WDR25: variants seen among roughly 807,000 people sequenced by gnomAD.
WDR25 encodes WD repeat-containing protein 25.
Under a neutral mutation model 47.7 loss-of-function variants are expected in WDR25, and 35 were observed. That is an observed-to-expected ratio of 0.73 (90% CI 0.56 to 0.97). The LOEUF is 0.97. Ranked by LOEUF, WDR25 falls within the 50% of genes least tolerant of loss-of-function variation. The pLI, the probability that WDR25 is intolerant of heterozygous loss-of-function variation, is 0.00. For missense variants in WDR25, 634 were observed against 704.7 expected (o/e 0.90, Z 1.14); for synonymous variants, 248 against 278.9 (o/e 0.89, Z 1.10).
chr14:100,432,862 G>A lies in WDR25; in HGVS notation c.823-35159G>A, dbSNP rs7153733. 4.9e-3 allele frequency among the ~76,000 whole-genome samples: 749 copies of A among 152,332 alleles called. 10 individuals are homozygous for A. Among genetic ancestry groups the A allele is most frequent in the African/African-American group, 0.017 (704 of 41,566 alleles). Reference sequence around the variant, plus strand: ...TAGTGTACCTACATGAACCTAGATGGTACAGCCTACTACACACCCAGGCTA... The same window carrying A: ...TAGTGTACCTACATGAACCTAGATGATACAGCCTACTACACACCCAGGCTA... On this transcript the variant is annotated intron_variant, in intron 2 of 6. Coordinates refer to ENST00000402312, the MANE Select transcript of WDR25 (RefSeq NM_001161476.3).
rs1056934387 is a variant in WDR25 at position 100,502,091 on chromosome 14, G to T, written c.1101+17967G>T. Among the ~76,000 whole-genome samples, 7 of 152,216 alleles carry T rather than the reference G, an allele frequency of 4.6e-5. No individual in the cohort carries two copies. Among genetic ancestry groups the T allele is most frequent in the African/African-American group, 1.2e-4 (5 of 41,450 alleles). On this transcript the variant is annotated intron_variant, in intron 4 of 6. Coordinates refer to ENST00000402312, the MANE Select transcript of WDR25 (RefSeq NM_001161476.3). This position sits in a 1 kb window ranked among gnomAD's most constrained non-coding sequence, Gnocchi z 4.5. ...ACAGCTCTTTGGGCTGTTTGATGGG[G>T]CTCACACCTAGGAAGGCTGTCCTTG...
In WDR25 at chr14:100,470,285, T is replaced by A. The variant is rs1183397333; in HGVS notation, c.970+2117T>A. On this transcript the variant is annotated intron_variant, in intron 3 of 6. Transcript: ENST00000402312. ...GGGTGCAGGGGCTGGGGCAGATGAG[T>A]CTGAGGAGTGCAGGAGGGGAAACCC... Among the ~76,000 whole-genome samples, 5 of 151,800 alleles carry A rather than the reference T, an allele frequency of 3.3e-5. No individual in the cohort carries two copies. In the South Asian group the frequency reaches 8.3e-4, roughly 25 times the overall value.
intron 2 of WDR25, among the ~76,000 whole-genome samples, chr14:100,405,636 C>T (rs1003294006): frequency 2.6e-5 from 4 of 152,202 alleles, no homozygotes; most frequent in Non-Finnish European, 4.4e-5. Context: ...TGGAGGCCAG[C>T]ACTAACAGAA....
chr14:100,505,397 A>C lies in WDR25; in HGVS notation c.1102-20473A>C, dbSNP rs1901076953. Among the ~76,000 whole-genome samples, 3 of 152,212 alleles carry C rather than the reference A, an allele frequency of 2.0e-5. No homozygotes were observed. The South Asian group carries it at 6.2e-4, about 31-fold the overall frequency. ...AGCCTTGGTGGAAAATCAATTTGCC[A>C]CATGAGGTTCTCTTTCTGGCTTGTC... On this transcript the variant is annotated intron_variant, in intron 4 of 6. Coordinates refer to ENST00000402312, the MANE Select transcript of WDR25 (RefSeq NM_001161476.3).
chr14:100,437,784 C>A (rs938779134), intron 2 of WDR25, among the ~76,000 whole-genome samples: 3 of 152,118 alleles, frequency 2.0e-5, no homozygotes, highest in Admixed American at 6.6e-5. Context: ...GTGTTATACG[C>A]CCCCTTAGTG....
intron 2 of WDR25, among the ~76,000 whole-genome samples, chr14:100,432,947 ACTGTAGGC>A (rs1459880811): frequency 6.6e-6 from 1 of 152,210 alleles, no homozygotes; most frequent in Non-Finnish European, 1.5e-5. Flanking sequence ...TGTGCTGAAT[ACTGTAGGC>A]AATTGGAACA....
At chr14:100,472,383 C>T (rs988974747) in intron 3 of WDR25, among the ~76,000 whole-genome samples, 9 of 152,256 alleles carry the variant, frequency 5.9e-5, no homozygotes, top group African/African-American at 2.2e-4. Flanking sequence ...GGCTCTTCTG[C>T]CTCCCCGAAC....
chr14:100,417,824 C>T (rs1282436755), intron 2 of WDR25, among the ~76,000 whole-genome samples: 4 of 152,194 alleles, frequency 2.6e-5, no homozygotes, highest in Non-Finnish European at 2.9e-5. Flanking sequence ...AGCCTTCCAT[C>T]GTTTCTGTTG....
chr14:100,393,608 G>C (rs748580754), intron 2 of WDR25, among the ~76,000 whole-genome samples: 7 of 152,158 alleles, frequency 4.6e-5, no homozygotes, highest in Non-Finnish European at 7.4e-5. Flanking sequence ...GTGTGTCTGT[G>C]GGGGGAAGAG....
intron 2 of WDR25, among the ~76,000 whole-genome samples, chr14:100,456,905 G>C (rs1269787884): frequency 6.6e-6 from 1 of 152,148 alleles, no homozygotes; most frequent in Non-Finnish European, 1.5e-5. Flanking sequence ...CCTGGCACAG[G>C]AAACATGAAG....
At chr14:100,408,988 T>C (rs1362112183) in intron 2 of WDR25, among the ~76,000 whole-genome samples, 1 of 152,234 alleles carries the variant, frequency 6.6e-6, no homozygotes, top group African/African-American at 2.4e-5. Flanking sequence ...GCTAGACTTA[T>C]TTTATTTGAG....
In WDR25 at chr14:100,498,272, G is replaced by A. The variant is rs1237176947; in HGVS notation, c.1101+14148G>A. On this transcript the variant is annotated intron_variant, in intron 4 of 6. Transcript: ENST00000402312. This position sits in a 1 kb window ranked among gnomAD's most constrained non-coding sequence, Gnocchi z 4.2. ...AAATCTGGCGCGGAGGCTGCGGAGGGAGATGGATGTGCTGAGAGGAGACTG... is the reference window on the plus strand; with the variant it reads ...AAATCTGGCGCGGAGGCTGCGGAGGAAGATGGATGTGCTGAGAGGAGACTG... Among the ~76,000 whole-genome samples the A allele has an allele frequency of 1.3e-5, 2 of 152,174 alleles. No individual in the cohort carries two copies. The highest frequency in any genetic ancestry group is 3.9e-4 in the East Asian group (2 of 5,180).
At chr14:100,391,736 C>T (rs1566886695) in intron 2 of WDR25, among the ~76,000 whole-genome samples, 1 of 152,026 alleles carries the variant, frequency 6.6e-6, no homozygotes, top group African/African-American at 2.4e-5. Context: ...ACTGCAGTAG[C>T]AGTTTTTAAT....
At chr14:100,379,302 A>G (rs899123064) in intron 1 of WDR25, among the ~76,000 whole-genome samples, 3 of 152,122 alleles carry the variant, frequency 2.0e-5, no homozygotes, top group Admixed American at 6.5e-5. Flanking sequence ...CTTGTAACAC[A>G]TATGACCAAA....
Position 100,525,849 on chromosome 14 carries a change from G to A in WDR25, c.1102-21G>A, listed in dbSNP as rs77964698. 1.7e-3 allele frequency: 2,714 copies of A among 1,610,646 alleles called. 46 individuals carry two copies. The African/African-American group carries it at 0.032, about 19-fold the overall frequency. ...TCCGTGCTGCCAGGCCTGCCAGCAT[G>A]ACCGGTGTCCGCTCTTGCAGGTGAT... is the stretch of plus-strand genomic sequence containing the variant. On this transcript the variant is annotated intron_variant, in intron 4 of 6. Coordinates refer to ENST00000402312, the MANE Select transcript of WDR25 (RefSeq NM_001161476.3). This position sits in a 1 kb window ranked among gnomAD's most constrained non-coding sequence, Gnocchi z 4.6.
In WDR25 at chr14:100,488,129, TG is replaced by T. The variant is rs1900444779; in HGVS notation, c.1101+4008del. ...CCCTGTCTCCTCTTCTTGGTGATCT[TG>T]GGTGATCTCTCCGCCTCGGGTTTGA... On this transcript the variant is annotated intron_variant, in intron 4 of 6. Transcript: ENST00000402312. The surrounding 1 kb of genome is among the most constrained non-coding windows in gnomAD (Gnocchi z 4.2). 1.3e-5 allele frequency among the ~76,000 whole-genome samples: 2 copies of T among 152,202 alleles called. No homozygotes were observed. Among genetic ancestry groups the T allele is most frequent in the African/African-American group, 4.8e-5 (2 of 41,462 alleles).
Position 100,399,707 on chromosome 14 carries a change from GCCTGTGGCCTCTGGAGTC to G in WDR25, c.822+17965_822+17982del, listed in dbSNP as rs550782344. Among the ~76,000 whole-genome samples the G allele has an allele frequency of 3.3e-5, 5 of 152,310 alleles. No homozygotes were observed. The South Asian group carries it at 1.0e-3, about 32-fold the overall frequency. On this transcript the variant is annotated intron_variant, in intron 2 of 6. Transcript: ENST00000402312. ...GATTTCTAGAATCAGCTAAGCCCTG[GCCTGTGGCCTCTGGAGTC>G]CCTTCATTTTCCAAAGGCCAAGCTG...
chr14:100,441,871 G>A (rs1382912021), intron 2 of WDR25, among the ~76,000 whole-genome samples: 3 of 152,186 alleles, frequency 2.0e-5, no homozygotes, highest in African/African-American at 4.8e-5. Context: ...CATGCCAAGC[G>A]CTGGGCTGAA....
intron 2 of WDR25, among the ~76,000 whole-genome samples, chr14:100,418,380 TC>T (rs1165925876): frequency 6.8e-6 from 1 of 147,884 alleles, no homozygotes; most frequent in African/African-American, 2.5e-5. Context: ...ATGCCTGTAA[TC>T]CCAGCACTTT....
Sources: gnomAD v4.1 joint callset for allele counts (sites outside exome capture counted in the v4.1 genomes callset) on GRCh38, gnomAD v4.1.1 for gene constraint, Gnocchi (gnomAD v3.1) non-coding constraint, MANE v1.5 for transcripts, NCBI Gene and HGNC (gene_info 2026-07-23, HGNC 2026-07-21) for gene names.